Variants in EVA1C observed in about 807,000 individuals in gnomAD.
EVA1C encodes the protein protein eva-1 homolog C.
A neutral mutation model predicts 45.4 loss-of-function variants in EVA1C; 25 were observed. The ratio of observed to expected loss-of-function variants is 0.55; its 90% CI spans 0.40 to 0.77. The LOEUF (loss-of-function observed/expected upper bound fraction) is 0.77, where lower values mean the gene tolerates loss of function less well. EVA1C is among the 30% of genes least tolerant of loss of function. EVA1C has a pLI of 0.00. For missense variants in EVA1C, 479 were observed against 554.8 expected, an observed-to-expected ratio of 0.86 and a Z score of 1.37; for synonymous variants, 190 against 221.2, an observed-to-expected ratio of 0.86 and a Z score of 1.25.
rs748159524 is a variant in EVA1C, at chr21:32,515,222, T to C, written c.*32T>C. The C allele has an allele frequency of 3.3e-6, 5 of 1,531,092 alleles. No individual in the cohort carries two copies. In the African/African-American group the frequency reaches 5.5e-5, roughly 17 times the overall value. The allele number at this position is 1,531,092 out of a possible 1,614,324, so 94.8% of individuals were successfully genotyped here. The stretch of plus-strand genomic sequence containing the variant: ...CATGCATCTTGATGCGATCGCACTT[T>C]CTGAAGAAGGAAGGATCCCAAATGC... On this transcript the variant is annotated 3_prime_UTR_variant, in exon 8 of 8. Coordinates refer to ENST00000300255, the MANE Select transcript of EVA1C (RefSeq NM_058187.5).
intron 1 of EVA1C, among the ~76,000 whole-genome samples, chr21:32,428,013 C>CT (rs2034558717): frequency 6.6e-6 from 1 of 152,014 alleles, no homozygotes; most frequent in African/African-American, 2.4e-5. Context: ...CTCCATGTCC[C>CT]TTGTCTTCTC....
At chr21:32,484,531 GA>G (rs1313993864) in intron 4 of EVA1C, among the ~76,000 whole-genome samples, 3 of 149,686 alleles carry the variant, frequency 2.0e-5, no homozygotes, top group Non-Finnish European at 4.4e-5. Flanking sequence ...GCGACAAAGA[GA>G]GACTCCATCT....
chr21:32,494,080 G>A (rs892498933), intron 4 of EVA1C, among the ~76,000 whole-genome samples: 4 of 152,168 alleles, frequency 2.6e-5, no homozygotes, highest in African/African-American at 4.8e-5. Flanking sequence ...GATTACAGGC[G>A]TGAGCCACTG....
At chr21:32,466,896 AG>A (rs2036195950) in intron 3 of EVA1C, among the ~76,000 whole-genome samples, 1 of 151,814 alleles carries the variant, frequency 6.6e-6, no homozygotes, top group South Asian at 2.1e-4. Context: ...TCTGGGCTCA[AG>A]CGAACCTCCT....
intron 5 of EVA1C, among the ~76,000 whole-genome samples, 173 bp downstream of exon 5, chr21:32,495,343 T>C (rs921411156): frequency 2.4e-4 from 36 of 152,158 alleles, no homozygotes; most frequent in African/African-American, 8.2e-4. Context: ...TTCTTGTTTA[T>C]GATATTCATG....
Position 32,448,916 on chromosome 21 carries a change from G to GAAATAAAGAAAGAAAGAGAGAA in EVA1C, c.161-4395_161-4394insAATAAAGAAAGAAAGAGAGAAA. Among the ~76,000 whole-genome samples, 3 of 146,056 alleles carry GAAATAAAGAAAGAAAGAGAGAA rather than the reference G, an allele frequency of 2.1e-5. No individual in the cohort carries two copies. The East Asian group carries it at 6.0e-4, about 29-fold the overall frequency. On this transcript the variant is annotated intron_variant, in intron 1 of 7. Coordinates refer to ENST00000300255, the MANE Select transcript of EVA1C (RefSeq NM_058187.5). ...AAAGAAAAAAAAAGAAAGGAGAAAA[G>GAAATAAAGAAAGAAAGAGAGAA]AGAGAAAGAAAGAAAGAGAGAGAAA...
chr21:32,479,213 G>C (rs1246321664), intron 4 of EVA1C, among the ~76,000 whole-genome samples: 1 of 152,208 alleles, frequency 6.6e-6, no homozygotes, highest in Non-Finnish European at 1.5e-5. Context: ...TTGAGGTCAG[G>C]AGTTCGAGAC....
chr21:32,412,585 AC>A (rs555578709), upstream of EVA1C: 56 of 364,404 alleles, frequency 1.5e-4, no homozygotes, highest in South Asian at 5.4e-3. Context: ...TTCCTCCGGC[AC>A]GGCGGCAACG....
intron 7 of EVA1C, among the ~76,000 whole-genome samples, chr21:32,507,750 ATG>A (rs138827880): frequency 0.46 from 68,754 of 149,160 alleles, 17,012 homozygotes; most frequent in East Asian, 0.69. Flanking sequence ...GCATGTGCAT[ATG>A]TGTTTGCGTG....
intron 7 of EVA1C, among the ~76,000 whole-genome samples, chr21:32,507,949 T>TTG (rs56001680): frequency 6.7e-6 from 1 of 149,544 alleles, no homozygotes; most frequent in Non-Finnish European, 1.5e-5. Context: ...GTATGTGTGT[T>TTG]TGTGTGTGTG....
chr21:32,500,376 C>T (rs1038309010), intron 5 of EVA1C, among the ~76,000 whole-genome samples: 7 of 151,842 alleles, frequency 4.6e-5, no homozygotes, highest in African/African-American at 1.5e-4. Context: ...ATCTTGAACT[C>T]CTGACCTCAA....
intron 7 of EVA1C, among the ~76,000 whole-genome samples, chr21:32,514,562 TGGCTC>T (rs2038074497): frequency 6.6e-6 from 1 of 152,232 alleles, no homozygotes; most frequent in South Asian, 2.1e-4. Context: ...CAGAGGAGTC[TGGCTC>T]CTGAGCCCCT....
chr21:32,412,776 G>T lies in EVA1C; in HGVS notation c.-78G>T, dbSNP rs1181600105. On this transcript the variant is annotated 5_prime_UTR_variant, in exon 1 of 8. Coordinates refer to ENST00000300255, the MANE Select transcript of EVA1C (RefSeq NM_058187.5). Reference sequence around the variant, plus strand: ...GAGCCGCTGGCCATCGATTCTCCCCGCCATGTGACGCCGTCCTTAGCCCTG... The same window carrying T: ...GAGCCGCTGGCCATCGATTCTCCCCTCCATGTGACGCCGTCCTTAGCCCTG... 5 of 1,273,212 alleles carry T rather than the reference G, an allele frequency of 3.9e-6. No homozygotes were observed. The allele number at this position is 1,273,212 out of a possible 1,614,324, so 78.9% of individuals were successfully genotyped here.
Position 32,499,918 on chromosome 21 carries a change from C to T in EVA1C, c.779-1497C>T, listed in dbSNP as rs2037473187. On this transcript the variant is annotated intron_variant, in intron 5 of 7. Transcript: ENST00000300255. ...CCAGGGCTTATTCTTAGGGTCAGTT[C>T]AGCAGAGTCTGAAACCACCTTCAGA... 2.0e-5 allele frequency among the ~76,000 whole-genome samples: 3 copies of T among 152,260 alleles called. No homozygotes were observed. The South Asian group carries it at 6.2e-4, about 32-fold the overall frequency.
intron 4 of EVA1C, among the ~76,000 whole-genome samples, chr21:32,484,880 G>A (rs1338616248): frequency 2.6e-5 from 4 of 152,012 alleles, no homozygotes; most frequent in Non-Finnish European, 4.4e-5. Flanking sequence ...TAGCCATTAC[G>A]TCCCCACTCA....
intron 1 of EVA1C, among the ~76,000 whole-genome samples, chr21:32,416,304 C>T (rs1215961978): frequency 1.5e-5 from 2 of 134,544 alleles, no homozygotes; most frequent in Non-Finnish European, 3.1e-5. Context: ...CCTTTCTCTC[C>T]TTTTCTTTTT....
At chr21:32,483,048 G>A (rs761174956) in intron 4 of EVA1C, among the ~76,000 whole-genome samples, 1 of 1,976 alleles carries the variant, frequency 5.1e-4, no homozygotes, top group Admixed American at 6.9e-3. Context: ...CAGTAGAGAC[G>A]AGGTCTAGTT....
At chr21:32,437,098 C>T (rs1349911447) in intron 1 of EVA1C, among the ~76,000 whole-genome samples, 10 of 152,226 alleles carry the variant, frequency 6.6e-5, no homozygotes, top group Admixed American at 2.0e-4. Flanking sequence ...AGGTGGAGGT[C>T]GCAGTGAGCC....
Position 32,451,687 on chromosome 21 carries a change from G to A in EVA1C, c.161-1625G>A, listed in dbSNP as rs112936147. 2.6e-5 allele frequency among the ~76,000 whole-genome samples: 4 copies of A among 152,292 alleles called. 1 individual carries two copies. Among genetic ancestry groups the A allele is most frequent in the African/African-American group, 7.2e-5 (3 of 41,554 alleles). On this transcript the variant is annotated intron_variant, in intron 1 of 7. Transcript: ENST00000300255. ...AGGTTCTAGGGAAGAATCCTTCCTGGCCTTTTCCAGCTTTGGGTGGTGGCC... is the reference window on the plus strand; with the variant it reads ...AGGTTCTAGGGAAGAATCCTTCCTGACCTTTTCCAGCTTTGGGTGGTGGCC...
Sources: allele counts gnomAD v4.1 joint callset (sites outside exome capture counted in the v4.1 genomes callset), GRCh38; gene constraint gnomAD v4.1.1; transcripts MANE v1.5; gene names NCBI Gene and HGNC (gene_info 2026-07-23, HGNC 2026-07-21).